NCOA2: variants seen among roughly 807,000 people sequenced by gnomAD.
NCOA2 encodes class E basic helix-loop-helix protein 75.
A neutral mutation model predicts 145.1 loss-of-function variants in NCOA2; 21 were observed. The ratio of observed to expected loss-of-function variants is 0.14; its 90% CI spans 0.10 to 0.21. The LOEUF (loss-of-function observed/expected upper bound fraction) is 0.21. NCOA2 is among the 10% of genes least tolerant of loss of function. The probability of loss-of-function intolerance (pLI) is 1.00; values close to 1 mark genes in which losing one functional copy is unlikely to be tolerated. For synonymous variants in NCOA2, 619 were observed against 637.5 expected, an observed-to-expected ratio of 0.97 and a Z score of 0.44; for missense variants, 1,472 against 1,837.6, an observed-to-expected ratio of 0.80 and a Z score of 3.64.
intron 6 of NCOA2, 79 bp from the exon 7 acceptor site, chr8:70,166,833 AG>A (rs1813670784): frequency 7.8e-7 from 1 of 1,289,278 alleles, no homozygotes; most frequent in African/African-American, 1.5e-5. Context: ...AAAATGATGT[AG>A]GAAAAATATG....
chr8:70,252,761 C>T (rs1035538941), intron 2 of NCOA2, among the ~76,000 whole-genome samples: 2 of 152,098 alleles, frequency 1.3e-5, no homozygotes, highest in Admixed American at 6.5e-5. Flanking sequence ...TTCATTTATT[C>T]GCAGATTTGA....
chr8:70,130,318 A>G (rs1808950444), intron 16 of NCOA2, among the ~76,000 whole-genome samples: 1 of 152,228 alleles, frequency 6.6e-6, no homozygotes, highest in Non-Finnish European at 1.5e-5. Context: ...GGATTTGATG[A>G]GACAAAATAG....
chr8:70,434,855 T>C, the NCOA2 span, among the ~76,000 whole-genome samples: 1 of 152,156 alleles, frequency 6.6e-6, no homozygotes, highest in Non-Finnish European at 1.5e-5. Context: ...TCCACTCCCA[T>C]GATTTTGATG....
At position 70,148,397 on chromosome 8, in the gene NCOA2, T is replaced by C; in HGVS notation, c.2481A>G (p.Pro827=). The C allele has an allele frequency of 1.2e-6, 2 of 1,613,980 alleles. No homozygotes were observed. Among genetic ancestry groups the C allele is most frequent in the Non-Finnish European group, 1.7e-6 (2 of 1,179,886 alleles). ...QLPQLFPDTR[P]GAPAGSVDKQ... ...TGTCAACTGATCCAGCAGGGGCGCC[T>C]GGCCTCGTGTCTGGGAAAAGCTGTG... The change falls in exon 12 of 23, where the codon CCA becomes CCG. Residue 827 remains proline (P), a synonymous_variant. Coordinates refer to ENST00000452400, the MANE Select transcript of NCOA2 (RefSeq NM_006540.4).
At chr8:70,415,582 A>T in the NCOA2 span, among the ~76,000 whole-genome samples, 1 of 152,214 alleles carries the variant, frequency 6.6e-6, no homozygotes, top group African/African-American at 2.4e-5. Flanking sequence ...AATACTTCCT[A>T]TTCCTACTGA....
chr8:70,381,009 T>C (rs866967734), intron 1 of NCOA2, among the ~76,000 whole-genome samples: 2 of 150,970 alleles, frequency 1.3e-5, no homozygotes. Context: ...GGAGGTTGAG[T>C]TGCAGTGAGT....
intron 4 of NCOA2, among the ~76,000 whole-genome samples, chr8:70,209,442 G>C (rs1818794268): frequency 6.6e-6 from 1 of 152,190 alleles, no homozygotes. Context: ...TTCCAATTTT[G>C]AAAGTTCTAC....
At chr8:70,402,511 G>C (rs985548685) in intron 1 of NCOA2, 1 of 152,294 alleles carries the variant, frequency 6.6e-6, no homozygotes, top group Admixed American at 6.5e-5. Context: ...CCCCGGTCTC[G>C]GAAGAGGCGC....
Position 70,181,304 on chromosome 8 carries a change from C to T in NCOA2, c.260-6445G>A, listed in dbSNP as rs79427090. 5.9e-3 allele frequency among the ~76,000 whole-genome samples: 896 copies of T among 152,268 alleles called. 5 individuals are homozygous for T. Among genetic ancestry groups the T allele is most frequent in the African/African-American group, 0.02 (834 of 41,558 alleles). On this transcript the variant is annotated intron_variant, in intron 4 of 22. Coordinates refer to ENST00000452400, the MANE Select transcript of NCOA2 (RefSeq NM_006540.4). The stretch of plus-strand genomic sequence containing the variant: ...CTCCCATTATAGGGACAGGGTGACA[C>T]TGTCATTATGGTAGAAGTTGATACT...
In NCOA2 at chr8:70,344,503, T is replaced by C. The variant is rs73288546; in HGVS notation, c.-76-47703A>G. Reference sequence around the variant, plus strand: ...ACAAAATAGAACACAGCCTCTCTTATGTCTCCATTAATAACAAACTCTCTA... The same window carrying C: ...ACAAAATAGAACACAGCCTCTCTTACGTCTCCATTAATAACAAACTCTCTA... On this transcript the variant is annotated intron_variant, in intron 1 of 22. Coordinates refer to ENST00000452400, the MANE Select transcript of NCOA2 (RefSeq NM_006540.4). Among the ~76,000 whole-genome samples, 1,144 of 152,350 alleles carry C rather than the reference T, an allele frequency of 7.5e-3. 16 individuals are homozygous for C. The highest frequency in any genetic ancestry group is 0.026 in the African/African-American group (1,088 of 41,582).
At chr8:70,390,358 A>C (rs1236867424) in intron 1 of NCOA2, among the ~76,000 whole-genome samples, 11 of 152,182 alleles carry the variant, frequency 7.2e-5, no homozygotes, top group Non-Finnish European at 1.6e-4. Flanking sequence ...GTTTCAAGCC[A>C]AGTGTTTTTC....
intron 2 of NCOA2, among the ~76,000 whole-genome samples, chr8:70,227,826 C>A (rs1244767629): frequency 1.3e-5 from 2 of 151,878 alleles, no homozygotes; most frequent in African/African-American, 4.8e-5. Flanking sequence ...ACCAGGCTGG[C>A]CAACATGGTG....
chr8:70,116,787 A>C (rs1376317629), intron 22 of NCOA2, among the ~76,000 whole-genome samples: 1 of 152,246 alleles, frequency 6.6e-6, no homozygotes, highest in Non-Finnish European at 1.5e-5. Flanking sequence ...GCATGAAGAA[A>C]GTGCAGGTGG....
At chr8:70,440,452 T>C in the NCOA2 span, among the ~76,000 whole-genome samples, 1 of 151,940 alleles carries the variant, frequency 6.6e-6, no homozygotes, top group African/African-American at 2.4e-5. Flanking sequence ...CACACACCTG[T>C]AGTCCCAGCT....
chr8:70,382,225 G>C (rs534389471), intron 1 of NCOA2, among the ~76,000 whole-genome samples: 1 of 152,182 alleles, frequency 6.6e-6, no homozygotes, highest in African/African-American at 2.4e-5. Context: ...GAGGGCCGAA[G>C]CTGCTAAAAA....
At chr8:70,428,930 CTA>C in the NCOA2 span, among the ~76,000 whole-genome samples, 2 of 151,522 alleles carry the variant, frequency 1.3e-5, no homozygotes, top group Non-Finnish European at 2.9e-5. Context: ...TGGGAAACGA[CTA>C]TATATGTTTT....
chr8:70,451,957 GTGTT>G, the NCOA2 span, among the ~76,000 whole-genome samples: 13,111 of 151,276 alleles, frequency 0.087, 843 homozygotes, highest in African/African-American at 0.18. Flanking sequence ...GGCATTTAAG[GTGTT>G]TGTTTGTTTG....
At chr8:70,273,420 C>A in intron 2 of NCOA2, 1 of 745,864 alleles carries the variant, frequency 1.3e-6, no homozygotes, top group Non-Finnish European at 2.1e-6. Flanking sequence ...AAACTGCAGG[C>A]AAAAGTGCCC....
At chr8:70,193,467 T>C (rs1049910990) in intron 4 of NCOA2, among the ~76,000 whole-genome samples, 1 of 152,230 alleles carries the variant, frequency 6.6e-6, no homozygotes, top group Non-Finnish European at 1.5e-5. Flanking sequence ...TATACTTCCA[T>C]ATTATCTAAG....
Sources: allele counts gnomAD v4.1 joint callset (sites outside exome capture counted in the v4.1 genomes callset), GRCh38; gene constraint gnomAD v4.1.1; transcripts MANE v1.5; gene names NCBI Gene and HGNC (gene_info 2026-07-23, HGNC 2026-07-21).